Variants in SLC5A12 observed in about 807,000 individuals in gnomAD.
SLC5A12 encodes the protein sodium-coupled monocarboxylate transporter 2.
Under a neutral mutation model 72.7 loss-of-function variants are expected in SLC5A12, and 46 were observed. That is an observed-to-expected ratio of 0.63 (90% CI 0.50 to 0.81). SLC5A12 has a LOEUF of 0.81. SLC5A12 is among the 30% of genes least tolerant of loss of function. The probability of loss-of-function intolerance (pLI) is 0.00; values close to 1 mark genes in which losing one functional copy is unlikely to be tolerated. For synonymous variants in SLC5A12, 275 were observed against 264.4 expected, an observed-to-expected ratio of 1.04 and a Z score of -0.39; for missense variants, 683 against 740.7, an observed-to-expected ratio of 0.92 and a Z score of 0.90.
intron 9 of SLC5A12, among the ~76,000 whole-genome samples, 191 bp from the exon 10 acceptor site, chr11:26,686,735 G>T (rs1007602677): frequency 6.6e-6 from 1 of 152,128 alleles, no homozygotes; most frequent in Non-Finnish European, 1.5e-5. Context: ...CCAAGGAAAA[G>T]TTTCAATGAC....
chr11:26,686,784 T>C (rs1396049715), intron 9 of SLC5A12, among the ~76,000 whole-genome samples: 1 of 152,154 alleles, frequency 6.6e-6, no homozygotes, highest in Non-Finnish European at 1.5e-5. Context: ...CTATCCAGCC[T>C]CAAGGGTTAT....
intron 9 of SLC5A12, 104 bp from the exon 10 acceptor site, chr11:26,686,648 A>C (rs984670639): frequency 3.0e-5 from 29 of 981,008 alleles, no homozygotes; most frequent in Admixed American, 4.0e-5. Context: ...AGCCCTTTGC[A>C]AAGGGATCTC....
At chr11:26,689,254 C>T (rs770328001) in intron 9 of SLC5A12, among the ~76,000 whole-genome samples, 27 of 152,036 alleles carry the variant, frequency 1.8e-4, no homozygotes, top group Non-Finnish European at 2.8e-4. Context: ...AAAATTTAGC[C>T]GGGTGTCGTG....
intron 6 of SLC5A12, 85 bp from the exon 7 acceptor site, chr11:26,698,620 G>C (rs1165373570): frequency 7.5e-7 from 1 of 1,334,946 alleles, no homozygotes; most frequent in Non-Finnish European, 1.0e-6. Flanking sequence ...CAAGGTAAAG[G>C]GTTTTGGGTC....
chr11:26,700,033 C>A (rs867331088), intron 6 of SLC5A12, among the ~76,000 whole-genome samples: 5 of 152,114 alleles, frequency 3.3e-5, no homozygotes, highest in African/African-American at 9.7e-5. Context: ...TTATCCTTAA[C>A]AACTGTGTGA....
chr11:26,680,976 T>C, intron 12 of SLC5A12, 79 bp downstream of exon 12: 1 of 1,279,554 alleles, frequency 7.8e-7, no homozygotes, highest in Non-Finnish European at 1.0e-6. Context: ...CTCATCACAC[T>C]TATCTCTGAA....
At position 26,708,908 on chromosome 11, in the gene SLC5A12, A is replaced by G. The variant is rs1011613697; in HGVS notation, c.525+404T>C. On this transcript the variant is annotated intron_variant, in intron 4 of 14. Coordinates refer to ENST00000396005, the MANE Select transcript of SLC5A12 (RefSeq NM_178498.4). Reference sequence around the variant, plus strand: ...ATAGCAGCCATCACTGCTCACTTGTATGTACATTTTGTTATTTCTCAACCA... The same window carrying G: ...ATAGCAGCCATCACTGCTCACTTGTGTGTACATTTTGTTATTTCTCAACCA... Among the ~76,000 whole-genome samples the G allele has an allele frequency of 9.9e-5, 15 of 152,066 alleles. 1 individual carries two copies. The highest frequency in any genetic ancestry group is 6.6e-4 in the Admixed American group (10 of 15,226).
intron 1 of SLC5A12, among the ~76,000 whole-genome samples, chr11:26,720,757 C>T (rs1205004010): frequency 1.3e-5 from 2 of 152,078 alleles, no homozygotes; most frequent in East Asian, 3.9e-4. Flanking sequence ...GCCTCATTTC[C>T]CTCACATTAA....
At chr11:26,695,135 T>C in intron 8 of SLC5A12, among the ~76,000 whole-genome samples, 1 of 151,930 alleles carries the variant, frequency 6.6e-6, no homozygotes, top group East Asian at 1.9e-4. Flanking sequence ...TTCTGTAAAA[T>C]AAAATTAATT....
intron 1 of SLC5A12, chr11:26,716,409 A>T (rs1245812102): frequency 6.6e-6 from 1 of 152,216 alleles, no homozygotes; most frequent in Non-Finnish European, 1.5e-5. Flanking sequence ...GAAAGAATTT[A>T]TCCACTTTTC....
intron 2 of SLC5A12, among the ~76,000 whole-genome samples, chr11:26,711,906 C>T (rs1210214836): frequency 1.3e-5 from 2 of 152,082 alleles, no homozygotes; most frequent in East Asian, 1.9e-4. Context: ...GGAAATAGGT[C>T]CAGTTTCTCC....
At chr11:26,681,271 G>C in intron 11 of SLC5A12, 50 bp from the exon 12 acceptor site, 1 of 1,453,686 alleles carries the variant, frequency 6.9e-7, no homozygotes, top group South Asian at 1.4e-5. Flanking sequence ...AGCTGTCTAT[G>C]GAAAGAATAA....
intron 9 of SLC5A12, among the ~76,000 whole-genome samples, chr11:26,688,539 C>A (rs1200054324): frequency 1.3e-5 from 2 of 152,208 alleles, no homozygotes; most frequent in African/African-American, 2.4e-5. Flanking sequence ...GAATACATGA[C>A]AAAATGTTGC....
At chr11:26,691,154 CA>C (rs1854661349) in intron 9 of SLC5A12, among the ~76,000 whole-genome samples, 1 of 151,440 alleles carries the variant, frequency 6.6e-6, no homozygotes, top group South Asian at 2.1e-4. Flanking sequence ...TAATTTTTTA[CA>C]AAAATATACA....
chr11:26,695,940 T>C (rs1447157108), intron 8 of SLC5A12, among the ~76,000 whole-genome samples: 1 of 152,142 alleles, frequency 6.6e-6, no homozygotes, highest in African/African-American at 2.4e-5. Context: ...AGTATTTGCT[T>C]TTCCCCCTGC....
chr11:26,704,502 T>A (rs1017590840), intron 4 of SLC5A12, among the ~76,000 whole-genome samples: 2 of 152,168 alleles, frequency 1.3e-5, no homozygotes, highest in African/African-American at 4.8e-5. Flanking sequence ...TAAGGACACT[T>A]AAATGTTTTC....
At chr11:26,680,245 G>T (rs1357013322) in intron 12 of SLC5A12, among the ~76,000 whole-genome samples, 1 of 138,918 alleles carries the variant, frequency 7.2e-6, no homozygotes, top group African/African-American at 2.6e-5. Flanking sequence ...ATTAGAATGT[G>T]AGAGTGAACA....
chr11:26,710,779 C>A (rs1455907521), intron 3 of SLC5A12, among the ~76,000 whole-genome samples: 1 of 152,030 alleles, frequency 6.6e-6, no homozygotes, highest in African/African-American at 2.4e-5. Context: ...TCAGTATAAG[C>A]ACATAGCTGA....
chr11:26,672,563 C>A (rs1854168084), intron 14 of SLC5A12, among the ~76,000 whole-genome samples: 1 of 152,154 alleles, frequency 6.6e-6, no homozygotes, highest in South Asian at 2.1e-4. Flanking sequence ...TTCCCATAGA[C>A]CCCTTTAAGA....
Sources: allele counts gnomAD v4.1 joint callset (sites outside exome capture counted in the v4.1 genomes callset), GRCh38; gene constraint gnomAD v4.1.1; transcripts MANE v1.5; gene names NCBI Gene and HGNC (gene_info 2026-07-23, HGNC 2026-07-21).